The following CAPS2 variants were observed in gnomAD, a reference collection of about 807,000 sequenced individuals.
CAPS2 encodes the protein calcyphosine 2.
In CAPS2, 98 loss-of-function variants were observed where a neutral mutation model predicts 86.5. The ratio of observed to expected loss-of-function variants is 1.13; its 90% confidence interval spans 0.96 to 1.34. CAPS2 has a LOEUF of 1.34. Ranked by LOEUF, CAPS2 falls within the 40% of genes most tolerant of loss-of-function variation. The pLI is 0.00. For synonymous variants in CAPS2, 210 were observed against 225.1 expected (o/e 0.93, Z 0.60); for missense variants, 729 against 686.8 (o/e 1.06, Z -0.69).
intron 7 of CAPS2, among the ~76,000 whole-genome samples, chr12:75,307,511 T>TA (rs1393158661): frequency 1.3e-5 from 2 of 152,188 alleles, no homozygotes; most frequent in Non-Finnish European, 2.9e-5. Flanking sequence ...TGACTATAGT[T>TA]ACAATAATAT....
At chr12:75,334,678 C>A, upstream of CAPS2, 1 of 1,576,994 alleles carries the variant, frequency 6.3e-7, no homozygotes, top group Non-Finnish European at 8.6e-7. Flanking sequence ...TTGCCCCAGC[C>A]GTTACTGGTC....
upstream of CAPS2, chr12:75,334,664 C>CGT: frequency 4.5e-6 from 7 of 1,557,824 alleles, no homozygotes; most frequent in Non-Finnish European, 6.1e-6. Context: ...GTGGGGAAAT[C>CGT]GGGTTGCCCC....
At chr12:75,289,195 T>G (rs1178212648) in intron 14 of CAPS2, among the ~76,000 whole-genome samples, 1 of 152,168 alleles carries the variant, frequency 6.6e-6, no homozygotes. Flanking sequence ...TCTGGTTAAT[T>G]CCTCCTCAAC....
At chr12:75,299,623 A>G (rs11835391) in intron 9 of CAPS2, among the ~76,000 whole-genome samples, 20 of 152,172 alleles carry the variant, frequency 1.3e-4, no homozygotes, top group African/African-American at 4.3e-4. Flanking sequence ...CGCTTTAAAG[A>G]TAACTTTTAA....
At chr12:75,376,103 T>A (rs1220720351) in intron 1 of CAPS2, among the ~76,000 whole-genome samples, 1 of 152,212 alleles carries the variant, frequency 6.6e-6, no homozygotes, top group African/African-American at 2.4e-5. Context: ...TCCCTTCGTC[T>A]ACATTAAACC....
downstream of CAPS2, chr12:75,276,584 TG>T: frequency 1.0e-6 from 1 of 973,474 alleles, no homozygotes; most frequent in Non-Finnish European, 1.2e-6. Flanking sequence ...CATGCAAATA[TG>T]TATGTCCTTT....
exon 17 of CAPS2, chr12:75,278,741 G>GAGAAA: frequency 7.5e-7 from 1 of 1,326,116 alleles, no homozygotes; most frequent in Non-Finnish European, 9.6e-7. Flanking sequence ...CAACATTTTT[G>GAGAAA]AGAAAACAAA....
chr12:75,364,861 CCA>C (rs1487538028), intron 1 of CAPS2: 1 of 151,878 alleles, frequency 6.6e-6, no homozygotes, highest in Admixed American at 6.6e-5. Context: ...CTGGGAGTAC[CCA>C]GGAGGCTTTG....
chr12:75,301,953 T>C (rs1266878731), intron 8 of CAPS2, among the ~76,000 whole-genome samples: 1 of 152,214 alleles, frequency 6.6e-6, no homozygotes, highest in African/African-American at 2.4e-5. Flanking sequence ...ATAAAGCTAC[T>C]AGAAACCATG....
chr12:75,379,403 G>A lies in CAPS2; in HGVS notation c.-395+11435C>T, dbSNP rs1315809661. ...TTATTGTCAAGAAGAGAAAATTCTG[G>A]GCCAAGGACATGTCTTTTTTATTTC... On this transcript the variant is annotated intron_variant, in intron 1 of 5. Transcript: ENST00000551829. Among the ~76,000 whole-genome samples, 8 of 152,184 alleles carry A rather than the reference G, an allele frequency of 5.3e-5. No homozygotes were observed. The East Asian group carries it at 1.5e-3, about 29-fold the overall frequency.
intron 1 of CAPS2, among the ~76,000 whole-genome samples, chr12:75,339,025 C>A (rs529359287): frequency 6.6e-6 from 1 of 152,244 alleles, no homozygotes; most frequent in South Asian, 2.1e-4. Flanking sequence ...TGGGTTGATT[C>A]TATGTCTTTG....
intron 1 of CAPS2, chr12:75,347,497 GTAAC>G (rs2042531187): frequency 4.5e-6 from 2 of 440,468 alleles, no homozygotes; most frequent in African/African-American, 4.2e-5. Flanking sequence ...GAAAAAATAT[GTAAC>G]TAATAAATAT....
chr12:75,291,941 G>C (rs2036043454), intron 12 of CAPS2, 121 bp from the exon 13 acceptor site: 3 of 383,406 alleles, frequency 7.8e-6, no homozygotes, highest in Non-Finnish European at 1.4e-5. Context: ...TTGGAAGAGT[G>C]CTTAGAATTT....
In CAPS2 at chr12:75,367,124, A is replaced by G. The variant is rs977603241; in HGVS notation, c.-395+23714T>C. 5 of 670,396 alleles carry G rather than the reference A, an allele frequency of 7.5e-6. No homozygotes were observed. The African/African-American group carries it at 8.9e-5, about 12-fold the overall frequency. 41.5% of individuals were successfully genotyped at this position (670,396 alleles called of 1,614,324 possible). On this transcript the variant is annotated intron_variant, in intron 1 of 5. Coordinates refer to the CAPS2 transcript ENST00000551829. ...GAAAACGTAATGGAGAAGACACTTT[A>G]GAATACACCTCCAAAGTGGAAACCA...
intron 5 of CAPS2, among the ~76,000 whole-genome samples, chr12:75,319,402 G>A (rs1215076552): frequency 1.3e-5 from 2 of 152,036 alleles, no homozygotes; most frequent in Admixed American, 6.6e-5. Flanking sequence ...TGGCACCTTC[G>A]CATGCTCTCT....
At chr12:75,350,661 T>TA (rs2042745366) in intron 1 of CAPS2, among the ~76,000 whole-genome samples, 1 of 151,600 alleles carries the variant, frequency 6.6e-6, no homozygotes, top group Admixed American at 6.6e-5. Context: ...ACAGCATCAA[T>TA]AAAAAAAGAC....
At chr12:75,350,676 A>C (rs1054407850) in intron 1 of CAPS2, among the ~76,000 whole-genome samples, 1 of 152,180 alleles carries the variant, frequency 6.6e-6, no homozygotes, top group African/African-American at 2.4e-5. Context: ...AAAGACCACA[A>C]AAACCCCATC....
chr12:75,381,807 G>T (rs183119112), intron 1 of CAPS2, among the ~76,000 whole-genome samples: 2 of 151,894 alleles, frequency 1.3e-5, no homozygotes, highest in East Asian at 3.9e-4. Context: ...TAGAGACAGG[G>T]TTTCACCATG....
At chr12:75,359,617 T>C (rs986493460) in intron 1 of CAPS2, among the ~76,000 whole-genome samples, 5 of 152,180 alleles carry the variant, frequency 3.3e-5, no homozygotes, top group African/African-American at 9.6e-5. Flanking sequence ...CATTGTGGTA[T>C]TTGCATAAAG....
Sources: allele counts gnomAD v4.1 joint callset (sites outside exome capture counted in the v4.1 genomes callset), GRCh38; gene constraint gnomAD v4.1.1; transcripts MANE v1.5; gene names NCBI Gene and HGNC (gene_info 2026-07-23, HGNC 2026-07-21).